GRIA3: variants seen among roughly 807,000 people sequenced by gnomAD.
The protein encoded by GRIA3 is glutamate receptor 3.
In GRIA3, 3 loss-of-function variants were observed where a neutral mutation model predicts 63.0. The observed-to-expected ratio is 0.05, with a 90% CI of 0.02 to 0.12. The LOEUF (loss-of-function observed/expected upper bound fraction) is 0.12. Among genes scored for constraint, GRIA3 ranks in the 10% least tolerant of loss-of-function variants. The pLI is 1.00. For synonymous variants in GRIA3, 274 were observed against 257.9 expected (o/e 1.06, Z -0.60); for missense variants, 347 against 700.9 (o/e 0.50, Z 5.70).
In GRIA3 at chrX:123,490,835, G is replaced by T. The variant is rs1378232113; in HGVS notation, c.*2125G>T. On this transcript the variant is annotated 3_prime_UTR_variant, in exon 16 of 16. Coordinates refer to ENST00000620443, the MANE Select transcript of GRIA3 (RefSeq NM_007325.5). ...ATAAAAGCGTAATTTGCATGTGTGG[G>T]CATAAACTACAGAGCCTCATTGCCA... The T allele has an allele frequency of 1.8e-5, 2 of 112,330 alleles. No homozygotes were observed. The highest frequency in any genetic ancestry group is 3.8e-5 in the Non-Finnish European group (2 of 53,233). 9.3% of individuals were successfully genotyped at this position (112,330 alleles called of 1,213,427 possible).
In GRIA3 at chrX:123,463,866, T is replaced by C. The variant is rs1603171615; in HGVS notation, c.2077-999T>C. On this transcript the variant is annotated intron_variant, in intron 12 of 15. Coordinates refer to ENST00000620443, the MANE Select transcript of GRIA3 (RefSeq NM_007325.5). ...AAGAGAGAAACCAAACAGAAAAGAA[T>C]GCTCTAAAATAAGAAGCAAAAGTTT... is the stretch of plus-strand genomic sequence containing the variant. 2.7e-5 allele frequency among the ~76,000 whole-genome samples: 3 copies of C among 110,387 alleles called. No individual in the cohort carries two copies. In the Admixed American group the frequency reaches 2.9e-4, roughly 11 times the overall value.
chrX:123,252,293 T>A (rs1296661905), intron 2 of GRIA3, among the ~76,000 whole-genome samples: 10 of 112,234 alleles, frequency 8.9e-5, no homozygotes, highest in East Asian at 5.6e-4. Context: ...CAGTGGTATT[T>A]AGGGTTTTCT....
At chrX:123,483,398 T>C (rs1378733747) in intron 15 of GRIA3, among the ~76,000 whole-genome samples, 1 of 112,319 alleles carries the variant, frequency 8.9e-6, no homozygotes, top group Non-Finnish European at 1.9e-5. Flanking sequence ...ATTTTAATGA[T>C]ACATTTTATT....
intron 4 of GRIA3, among the ~76,000 whole-genome samples, chrX:123,345,879 T>C (rs7059663): frequency 0.045 from 4,971 of 110,447 alleles, 240 homozygotes; most frequent in African/African-American, 0.13. Flanking sequence ...CCTTGAGGGA[T>C]TGATGTGATT....
chrX:123,383,958 T>C (rs1487518866), intron 5 of GRIA3, among the ~76,000 whole-genome samples: 2 of 111,483 alleles, frequency 1.8e-5, no homozygotes, highest in Non-Finnish European at 3.8e-5. Flanking sequence ...AAACATGCAG[T>C]ATTTGGTTTT....
chrX:123,262,758 T>C (rs1444308755), intron 3 of GRIA3, among the ~76,000 whole-genome samples: 4 of 111,381 alleles, frequency 3.6e-5, no homozygotes, highest in Non-Finnish European at 7.5e-5. Flanking sequence ...AGAAGAGAAA[T>C]TTCATGATAG....
At chrX:123,254,768 A>T (rs1015817453) in intron 3 of GRIA3, among the ~76,000 whole-genome samples, 9 of 112,090 alleles carry the variant, frequency 8.0e-5, no homozygotes, top group African/African-American at 2.9e-4. Flanking sequence ...GTCTAGTCCA[A>T]GCTCTGCCAC....
At chrX:123,288,552 C>A (rs947622125) in intron 3 of GRIA3, among the ~76,000 whole-genome samples, 8 of 111,344 alleles carry the variant, frequency 7.2e-5, no homozygotes. Context: ...CTACAAGGAA[C>A]TTAAACAAAC....
intron 12 of GRIA3, among the ~76,000 whole-genome samples, chrX:123,445,861 T>C (rs1245337468): frequency 8.9e-6 from 1 of 112,246 alleles, no homozygotes; most frequent in Non-Finnish European, 1.9e-5. Flanking sequence ...AACCTATGCA[T>C]CAATAGAAAA....
chrX:123,385,502 T>C (rs1022557508), intron 5 of GRIA3, among the ~76,000 whole-genome samples: 3 of 112,328 alleles, frequency 2.7e-5, no homozygotes, highest in Non-Finnish European at 5.6e-5. Context: ...AATTTTAAAA[T>C]AATTTTTATC....
At chrX:123,417,265 T>A in intron 10 of GRIA3, 137 bp from the exon 11 acceptor site, 1 of 529,688 alleles carries the variant, frequency 1.9e-6, no homozygotes. Flanking sequence ...TTTTCTAACC[T>A]AAGCATTGAT....
chrX:123,328,481 TAG>T (rs1213199895), intron 4 of GRIA3, among the ~76,000 whole-genome samples: 1 of 112,133 alleles, frequency 8.9e-6, no homozygotes, highest in Non-Finnish European at 1.9e-5. Flanking sequence ...TAGGTAAGGA[TAG>T]AGAGTTACTT....
At chrX:123,189,326 T>C (rs762393277) in intron 2 of GRIA3, among the ~76,000 whole-genome samples, 5 of 112,366 alleles carry the variant, frequency 4.4e-5, no homozygotes, top group African/African-American at 1.6e-4. Context: ...GTAAGTTACA[T>C]GTGTGTTTTT....
At chrX:123,335,303 G>C (rs962346143) in intron 4 of GRIA3, among the ~76,000 whole-genome samples, 6 of 111,072 alleles carry the variant, frequency 5.4e-5, no homozygotes, top group Non-Finnish European at 7.6e-5. Context: ...GCATTAAAAA[G>C]AGTTTCTGGT....
chrX:123,451,380 C>T (rs1183283557), intron 12 of GRIA3, among the ~76,000 whole-genome samples: 1 of 106,439 alleles, frequency 9.4e-6, no homozygotes, highest in African/African-American at 3.4e-5. Flanking sequence ...GTGGCACATG[C>T]TTGTAGTACC....
At chrX:123,315,038 G>C (rs1446517039) in intron 3 of GRIA3, among the ~76,000 whole-genome samples, 1 of 111,738 alleles carries the variant, frequency 8.9e-6, no homozygotes, top group African/African-American at 3.3e-5. Context: ...TTTGGATTGA[G>C]AGACAATTTG....
intron 12 of GRIA3, among the ~76,000 whole-genome samples, chrX:123,432,229 C>A (rs904288092): frequency 8.9e-6 from 1 of 111,976 alleles, no homozygotes; most frequent in Non-Finnish European, 1.9e-5. Flanking sequence ...GTAGTAGGCA[C>A]CTGGCTAAGG....
chrX:123,361,568 T>C, intron 5 of GRIA3, among the ~76,000 whole-genome samples: 1 of 111,726 alleles, frequency 9.0e-6, no homozygotes, highest in South Asian at 3.8e-4. Context: ...GGGACTGGGC[T>C]GGTTTCCAAC....
At position 123,488,990 on chromosome X, in the gene GRIA3, T is replaced by C. The variant is rs1027000156; in HGVS notation, c.*280T>C. On this transcript the variant is annotated 3_prime_UTR_variant, in exon 16 of 16. Transcript: ENST00000620443. ...AACCAACAAAAATGGACATGCAAGA[T>C]TCCAGTATGCGAAAAAAAATCTTAT... 5.5e-5 allele frequency: 6 copies of C among 108,832 alleles called. No homozygotes were observed. The highest frequency in any genetic ancestry group is 2.9e-4 in the East Asian group (1 of 3,468). 9.0% of individuals were successfully genotyped at this position (108,832 alleles called of 1,213,427 possible).
Sources: allele counts gnomAD v4.1 joint callset (sites outside exome capture counted in the v4.1 genomes callset), GRCh38; gene constraint gnomAD v4.1.1; transcripts MANE v1.5; gene names NCBI Gene and HGNC (gene_info 2026-07-23, HGNC 2026-07-21).